KATNIP: variants seen among roughly 807,000 people sequenced by gnomAD.
KATNIP encodes the protein katanin-interacting protein.
In KATNIP, 126 loss-of-function variants were observed where a neutral mutation model predicts 174.0. The ratio of observed to expected loss-of-function variants is 0.72; its 90% CI spans 0.63 to 0.84. The LOEUF (loss-of-function observed/expected upper bound fraction) is 0.84, where lower values mean the gene tolerates loss of function less well. KATNIP is among the 40% of genes least tolerant of loss of function. The pLI, the probability that KATNIP is intolerant of heterozygous loss-of-function variation, is 0.00. For synonymous variants in KATNIP, 810 were observed against 835.7 expected, an observed-to-expected ratio of 0.97 and a Z score of 0.53; for missense variants, 1,958 against 2,109.7, an observed-to-expected ratio of 0.93 and a Z score of 1.41.
intron 14 of KATNIP, among the ~76,000 whole-genome samples, chr16:27,728,342 G>A (rs988620067): frequency 3.3e-5 from 5 of 152,252 alleles, no homozygotes; most frequent in Non-Finnish European, 5.9e-5. Context: ...GTACAGGCAC[G>A]GTAGCCATGA....
chr16:27,609,607 G>A lies in KATNIP; in HGVS notation c.64-8818G>A, dbSNP rs368547234. On this transcript the variant is annotated intron_variant, in intron 2 of 27. Transcript: ENST00000261588. ...GGGTTTCACTGTGTTAGCCAGGGTGGTCTCGATCTCCTGACCTCGTGATCC... is the reference window on the plus strand; with the variant it reads ...GGGTTTCACTGTGTTAGCCAGGGTGATCTCGATCTCCTGACCTCGTGATCC... Among the ~76,000 whole-genome samples, 43 of 150,138 alleles carry A rather than the reference G, an allele frequency of 2.9e-4. No homozygotes were observed. The South Asian group carries it at 8.0e-3, about 28-fold the overall frequency.
intron 24 of KATNIP, 97 bp downstream of exon 24, chr16:27,775,181 A>G: frequency 6.9e-7 from 1 of 1,441,390 alleles, no homozygotes; most frequent in South Asian, 1.2e-5. Flanking sequence ...CTTCCAGGTC[A>G]AGTTAATCTC....
intron 1 of KATNIP, among the ~76,000 whole-genome samples, chr16:27,552,654 C>T (rs970565599): frequency 2.7e-5 from 4 of 148,906 alleles, no homozygotes; most frequent in African/African-American, 5.0e-5. Flanking sequence ...GGATTACAGA[C>T]GTGAGCCACC....
chr16:27,751,785 A>G lies in KATNIP; in HGVS notation c.3413A>G (p.Tyr1138Cys), dbSNP rs1453533791. 1.9e-6 allele frequency: 3 copies of G among 1,614,124 alleles called. No homozygotes were observed. Among genetic ancestry groups the G allele is most frequent in the African/African-American group, 1.3e-5 (1 of 74,934 alleles). The change falls in exon 17 of 28, where the codon TAT (tyrosine) becomes TGT (cysteine). Residue 1138 changes from tyrosine to cysteine, a missense_variant. Physicochemically the swap from Tyr to Cys is radical, Grantham distance 194. Transcript: ENST00000261588. Reference sequence around the variant, plus strand: ...GATGACATTCTCGAGGCCATATTCTATTCTGATGAGATGTTTGACCTGGAT... The same window carrying G: ...GATGACATTCTCGAGGCCATATTCTGTTCTGATGAGATGTTTGACCTGGAT... Reference protein sequence around the residue: ...TDDDILEAIFYSDEMFDLDVG... With the variant: ...TDDDILEAIFCSDEMFDLDVG...
chr16:27,730,393 G>A (rs1217198912), intron 14 of KATNIP, among the ~76,000 whole-genome samples: 1 of 152,086 alleles, frequency 6.6e-6, no homozygotes, highest in Non-Finnish European at 1.5e-5. Flanking sequence ...GAGTCACAGC[G>A]ACACCATTGT....
At chr16:27,709,665 C>T (rs961398313) in intron 13 of KATNIP, among the ~76,000 whole-genome samples, 1 of 152,008 alleles carries the variant, frequency 6.6e-6, no homozygotes, top group African/African-American at 2.4e-5. Flanking sequence ...ATAAAATCTA[C>T]CAGGGTTATT....
At chr16:27,611,491 G>A (rs559856399) in intron 2 of KATNIP, among the ~76,000 whole-genome samples, 23 of 152,294 alleles carry the variant, frequency 1.5e-4, no homozygotes, top group African/African-American at 4.1e-4. Flanking sequence ...AGCAATTATC[G>A]TCATAGAGCT....
rs376878103 is a variant in KATNIP, at chr16:27,661,431, G to A, written c.540+12696G>A. ...TTTTGAAACAGAGTCTCACTCTGTC[G>A]CCCAGGCTGGAGTGCAATGGCATGG... is the stretch of plus-strand genomic sequence containing the variant. On this transcript the variant is annotated intron_variant, in intron 6 of 27. Coordinates refer to ENST00000261588, the MANE Select transcript of KATNIP (RefSeq NM_015202.5). 1.3e-4 allele frequency among the ~76,000 whole-genome samples: 19 copies of A among 151,994 alleles called. 1 individual carries two copies. In the South Asian group the frequency reaches 1.9e-3, roughly 15 times the overall value.
chr16:27,702,674 A>G (rs1004311254), intron 11 of KATNIP, among the ~76,000 whole-genome samples: 1 of 152,194 alleles, frequency 6.6e-6, no homozygotes, highest in African/African-American at 2.4e-5. Context: ...GTTTTTCTGC[A>G]TGAAGAAGGA....
intron 4 of KATNIP, among the ~76,000 whole-genome samples, chr16:27,630,669 C>T (rs1429247755): frequency 6.6e-6 from 1 of 151,778 alleles, no homozygotes; most frequent in Non-Finnish European, 1.5e-5. Context: ...ACCAGCAGTA[C>T]CTTCATTCAT....
At chr16:27,741,070 GC>G in intron 15 of KATNIP, 150 bp downstream of exon 15, 1 of 801,630 alleles carries the variant, frequency 1.2e-6, no homozygotes, top group Non-Finnish European at 2.0e-6. Context: ...TGTCTCAGGG[GC>G]CAAAGAGATG....
intron 14 of KATNIP, among the ~76,000 whole-genome samples, chr16:27,738,291 G>A (rs926020894): frequency 6.6e-6 from 1 of 152,072 alleles, no homozygotes; most frequent in African/African-American, 2.4e-5. Context: ...AGGGGAGACA[G>A]GGGTTACCAA....
chr16:27,598,135 G>A (rs887714718), intron 2 of KATNIP, among the ~76,000 whole-genome samples: 1 of 152,028 alleles, frequency 6.6e-6, no homozygotes, highest in African/African-American at 2.4e-5. Context: ...AGGCTACTTA[G>A]GAGGCTGAGG....
chr16:27,556,361 T>G (rs1285273692), intron 1 of KATNIP, among the ~76,000 whole-genome samples: 1 of 152,190 alleles, frequency 6.6e-6, no homozygotes, highest in Non-Finnish European at 1.5e-5. Flanking sequence ...ATGTTCGCCT[T>G]TCTGTTAAAG....
rs1212898333 is a variant in KATNIP, at chr16:27,708,628, G to A, written c.1390-77G>A. 4.4e-6 allele frequency: 5 copies of A among 1,139,330 alleles called. No individual in the cohort carries two copies. The East Asian group carries it at 9.5e-5, about 22-fold the overall frequency. The allele number at this position is 1,139,330 out of a possible 1,614,324, so 70.6% of individuals were successfully genotyped here. ...CTGAAGGTTAACTAACTTTTTGAAG[G>A]CAGTGGTGGCAGAGGCAGAGCCGAA... On this transcript the variant is annotated intron_variant, in intron 12 of 27. Transcript: ENST00000261588.
chr16:27,749,907 T>A lies in KATNIP; in HGVS notation c.2947T>A (p.Ser983Thr), dbSNP rs778402401. 1 of 1,614,162 alleles carries A rather than the reference T, an allele frequency of 6.2e-7. No individual in the cohort carries two copies. The highest frequency in any genetic ancestry group is 8.5e-7 in the Non-Finnish European group (1 of 1,180,018). ...ACAGCGCTTGGTCATTGACATCAAG[T>A]CTACCTGGGGGGACAGACACTATGT... is the stretch of plus-strand genomic sequence containing the variant. Reference protein sequence around the residue: ...YGQRLVIDIKSTWGDRHYVGL... With the variant: ...YGQRLVIDIKTTWGDRHYVGL... Residue 983 changes from serine to threonine, a missense_variant, in exon 16 of 28, where the codon TCT becomes ACT. Ser to Thr is a moderately conservative substitution (Grantham distance 58). Transcript: ENST00000261588.
intron 14 of KATNIP, among the ~76,000 whole-genome samples, chr16:27,739,786 G>A (rs966429541): frequency 4.6e-5 from 7 of 151,988 alleles, no homozygotes; most frequent in East Asian, 3.9e-4. Context: ...CGAATGTCCC[G>A]ACAGGAGGTA....
intron 13 of KATNIP, among the ~76,000 whole-genome samples, chr16:27,710,221 G>A (rs1004990128): frequency 3.9e-5 from 6 of 152,240 alleles, no homozygotes; most frequent in East Asian, 3.9e-4. Flanking sequence ...TTAGCCAGGC[G>A]TTGGGGCACA....
intron 2 of KATNIP, among the ~76,000 whole-genome samples, chr16:27,616,430 A>G (rs17584868): frequency 0.016 from 2,431 of 152,244 alleles, 31 homozygotes; most frequent in Non-Finnish European, 0.021. Context: ...ATTTTTGTTT[A>G]AAAGAGTACA....
Sources: gnomAD v4.1 joint callset for allele counts (sites outside exome capture counted in the v4.1 genomes callset) on GRCh38, gnomAD v4.1.1 for gene constraint, MANE v1.5 for transcripts, NCBI Gene and HGNC (gene_info 2026-07-23, HGNC 2026-07-21) for gene names.